Variants in FCHSD2 observed in about 807,000 individuals in gnomAD.
The protein encoded by FCHSD2 is FCH and double SH3 domains 2, also known as F-BAR and double SH3 domains protein 2.
Under a neutral mutation model 108.1 loss-of-function variants are expected in FCHSD2, and 38 were observed. The observed-to-expected ratio is 0.35, with a 90% CI of 0.27 to 0.46. The LOEUF (loss-of-function observed/expected upper bound fraction) is 0.46, where lower values mean the gene tolerates loss of function less well. Among genes scored for constraint, FCHSD2 ranks in the 20% least tolerant of loss-of-function variants. The pLI is 1.00. For synonymous variants in FCHSD2, 279 were observed against 314.7 expected (o/e 0.89, Z 1.20); for missense variants, 751 against 897.8 (o/e 0.84, Z 2.09).
At chr11:73,054,564 C>T (rs1476265342) in intron 3 of FCHSD2, among the ~76,000 whole-genome samples, 8 of 150,030 alleles carry the variant, frequency 5.3e-5, no homozygotes, top group African/African-American at 1.7e-4. Context: ...CTGGAAGACC[C>T]TAAAGAATCC....
intron 8 of FCHSD2, among the ~76,000 whole-genome samples, chr11:72,955,052 C>G (rs1336255618): frequency 6.6e-6 from 1 of 152,194 alleles, no homozygotes; most frequent in East Asian, 1.9e-4. Context: ...CAGATACCAG[C>G]TGGACATCCT....
intron 8 of FCHSD2, among the ~76,000 whole-genome samples, chr11:72,966,650 T>C (rs1005415190): frequency 3.7e-4 from 57 of 152,170 alleles, no homozygotes; most frequent in African/African-American, 1.3e-3. Context: ...TATATGTCAG[T>C]TACTGTGCTA....
intron 2 of FCHSD2, among the ~76,000 whole-genome samples, chr11:73,112,488 C>A (rs1860509059): frequency 6.6e-6 from 1 of 152,102 alleles, no homozygotes; most frequent in South Asian, 2.1e-4. Flanking sequence ...GCTGAATCTG[C>A]TTGGTGTTCT....
intron 6 of FCHSD2, among the ~76,000 whole-genome samples, chr11:72,988,605 T>A (rs1310022782): frequency 5.9e-5 from 9 of 152,176 alleles, no homozygotes; most frequent in Non-Finnish European, 1.3e-4. Flanking sequence ...TACAACTGAT[T>A]GAGAATCCAG....
intron 8 of FCHSD2, among the ~76,000 whole-genome samples, chr11:72,926,976 G>T (rs767155991): frequency 2.6e-5 from 4 of 152,134 alleles, no homozygotes; most frequent in Admixed American, 2.0e-4. Flanking sequence ...TATATGAAAA[G>T]GATTTACTTC....
chr11:73,065,833 A>G (rs1333189028), intron 3 of FCHSD2, among the ~76,000 whole-genome samples: 1 of 152,180 alleles, frequency 6.6e-6, no homozygotes, highest in Non-Finnish European at 1.5e-5. Flanking sequence ...ACTACAAACC[A>G]CTGCTCAAGG....
chr11:73,069,983 T>C (rs1459928306), intron 3 of FCHSD2, among the ~76,000 whole-genome samples: 1 of 152,166 alleles, frequency 6.6e-6, no homozygotes, highest in Non-Finnish European at 1.5e-5. Context: ...GGTAGAAAGT[T>C]AGAATGCACA....
intron 5 of FCHSD2, among the ~76,000 whole-genome samples, chr11:72,989,627 T>C (rs926953723): frequency 6.6e-6 from 1 of 152,112 alleles, no homozygotes; most frequent in African/African-American, 2.4e-5. Flanking sequence ...CAATTATTAC[T>C]CAAAACCATC....
chr11:72,842,553 T>C, intron 17 of FCHSD2, 68 bp downstream of exon 17: 1 of 1,591,330 alleles, frequency 6.3e-7, no homozygotes. Flanking sequence ...TTTGTGTGGA[T>C]CCACAGACCC....
At chr11:72,840,708 T>C (rs966319799) in intron 19 of FCHSD2, among the ~76,000 whole-genome samples, 169 bp downstream of exon 19, 1 of 150,812 alleles carries the variant, frequency 6.6e-6, no homozygotes, top group Non-Finnish European at 1.5e-5. Flanking sequence ...CCGAGATGAG[T>C]TGATTTCTAT....
intron 8 of FCHSD2, among the ~76,000 whole-genome samples, chr11:72,958,992 TATGTG>T (rs1412262932): frequency 0.014 from 1,728 of 127,112 alleles, 15 homozygotes; most frequent in Non-Finnish European, 0.017. Context: ...ATCAGTAAGA[TATGTG>T]TGTGTGTGTG....
At chr11:72,899,746 A>AAAG (rs1855489556) in intron 10 of FCHSD2, among the ~76,000 whole-genome samples, 1 of 150,892 alleles carries the variant, frequency 6.6e-6, no homozygotes, top group African/African-American at 2.4e-5. Flanking sequence ...AAAAAAAAAA[A>AAAG]AAAAAAAAAA....
rs75600642 is a variant in FCHSD2 at position 73,104,869 on chromosome 11, T to C, written c.120-21129A>G. ...CACCGTGCCTGGCCAACTTTACTAA[T>C]TGAAAGCAAGAGAGCTATAGTACCA... On this transcript the variant is annotated intron_variant, in intron 2 of 19. Coordinates refer to ENST00000409418, the MANE Select transcript of FCHSD2 (RefSeq NM_014824.3). 5.3e-5 allele frequency among the ~76,000 whole-genome samples: 8 copies of C among 152,296 alleles called. No individual in the cohort carries two copies. The East Asian group carries it at 7.7e-4, about 15-fold the overall frequency.
chr11:73,106,415 A>G (rs1860344835), intron 2 of FCHSD2, among the ~76,000 whole-genome samples: 1 of 151,790 alleles, frequency 6.6e-6, no homozygotes, highest in African/African-American at 2.4e-5. Context: ...CCAAAAAAAA[A>G]AAAAAAAGAA....
intron 10 of FCHSD2, among the ~76,000 whole-genome samples, chr11:72,895,811 C>A (rs931871578): frequency 2.0e-4 from 31 of 152,256 alleles, no homozygotes; most frequent in Non-Finnish European, 3.2e-4. Context: ...GATACTGTGC[C>A]AAGCATGTGT....
At chr11:72,846,130 CAT>C (rs1861133710) in intron 14 of FCHSD2, among the ~76,000 whole-genome samples, 1 of 150,720 alleles carries the variant, frequency 6.6e-6, no homozygotes, top group African/African-American at 2.4e-5. Context: ...AGACTGAGCG[CAT>C]ATGTTTTCCC....
At chr11:73,033,269 C>A (rs1302350956) in intron 3 of FCHSD2, among the ~76,000 whole-genome samples, 1 of 146,284 alleles carries the variant, frequency 6.8e-6, no homozygotes, top group African/African-American at 2.5e-5. Flanking sequence ...GCCTGGGCAA[C>A]AGAGCGAGAT....
chr11:72,887,512 T>C lies in FCHSD2; in HGVS notation c.1104A>G (p.Glu368=), dbSNP rs761637773. Residue 368 remains glutamate (E), a synonymous_variant, in exon 12 of 20, where the codon GAA becomes GAG. Coordinates refer to ENST00000409418, the MANE Select transcript of FCHSD2 (RefSeq NM_014824.3). ...AVSEQSRAEL[E]QKIDEARENI... is the part of the protein sequence containing the mutation. ...TTTCTCTAGCTTCATCTATTTTCTG[T>C]TCTAGCTCTGCTCGGCTTTGTTCTG... The C allele has an allele frequency of 6.2e-7, 1 of 1,606,482 alleles. No homozygotes were observed. The highest frequency in any genetic ancestry group is 1.1e-5 in the South Asian group (1 of 89,406).
At chr11:73,015,379 T>C (rs1384099536) in intron 4 of FCHSD2, among the ~76,000 whole-genome samples, 1 of 152,160 alleles carries the variant, frequency 6.6e-6, no homozygotes, top group Non-Finnish European at 1.5e-5. Context: ...GTTTCCCCCC[T>C]AGTCTCACAA....
Sources: allele counts gnomAD v4.1 joint callset (sites outside exome capture counted in the v4.1 genomes callset), GRCh38; gene constraint gnomAD v4.1.1; transcripts MANE v1.5; gene names NCBI Gene and HGNC (gene_info 2026-07-23, HGNC 2026-07-21).